Variants in CACNA1I observed in about 807,000 individuals in gnomAD.
CACNA1I encodes calcium voltage-gated channel subunit alpha1 I, also known as voltage-dependent T-type calcium channel subunit alpha-1I.
In CACNA1I, 74 loss-of-function variants were observed where a neutral mutation model predicts 201.6. The observed-to-expected ratio is 0.37, with a 90% CI of 0.30 to 0.45. The LOEUF (loss-of-function observed/expected upper bound fraction) is 0.45. CACNA1I is among the 20% of genes least tolerant of loss of function. The pLI is 1.00. For synonymous variants in CACNA1I, 1,431 were observed against 1,345.2 expected (o/e 1.06, Z -1.40); for missense variants, 2,346 against 3,138.1 (o/e 0.75, Z 6.03).
intron 4 of CACNA1I, among the ~76,000 whole-genome samples, chr22:39,623,443 C>T (rs563673866): frequency 6.0e-5 from 9 of 151,018 alleles, no homozygotes; most frequent in Admixed American, 2.0e-4. Flanking sequence ...AGAGTGCGTG[C>T]CTATGAAAGT....
At chr22:39,607,848 G>A (rs1398708011) in intron 3 of CACNA1I, among the ~76,000 whole-genome samples, 1 of 151,538 alleles carries the variant, frequency 6.6e-6, no homozygotes, top group East Asian at 1.9e-4. Context: ...AATTAGTCCG[G>A]GTGCGGTGGC....
At position 39,664,729 on chromosome 22, in the gene CACNA1I, C is replaced by T. The variant is rs1935131598; in HGVS notation, c.3667-10C>T. 1 of 1,535,342 alleles carries T rather than the reference C, an allele frequency of 6.5e-7. No individual in the cohort carries two copies. Among genetic ancestry groups the T allele is most frequent in the Non-Finnish European group, 8.9e-7 (1 of 1,129,492 alleles). ...GCGGCAGCCTGACCCCGGCCCCACCCCCGCCCCAGGTAGTCTCGCTGGGCC... is the reference window on the plus strand; with the variant it reads ...GCGGCAGCCTGACCCCGGCCCCACCTCCGCCCCAGGTAGTCTCGCTGGGCC... On this transcript the variant is annotated splice_polypyrimidine_tract_variant and intron_variant, in intron 20 of 36. Transcript: ENST00000402142.
At chr22:39,662,713 A>T in intron 17 of CACNA1I, 63 bp from the exon 18 acceptor site, 10 of 1,227,984 alleles carry the variant, frequency 8.1e-6, no homozygotes, top group Non-Finnish European at 1.2e-5. Flanking sequence ...CGATGGCCGC[A>T]TGGGCGGAGA....
chr22:39,575,338 C>A (rs1255574051), intron 1 of CACNA1I, among the ~76,000 whole-genome samples: 7 of 152,200 alleles, frequency 4.6e-5, no homozygotes, highest in South Asian at 4.1e-4. Context: ...GTAATACCCA[C>A]TCCACAGGGT....
At chr22:39,608,886 A>C (rs954090053) in intron 3 of CACNA1I, among the ~76,000 whole-genome samples, 88 of 152,240 alleles carry the variant, frequency 5.8e-4, no homozygotes, top group African/African-American at 2.0e-3. Context: ...GAATGCTGGG[A>C]ACAGCTTCTC....
rs1417926848 is a variant in CACNA1I, at chr22:39,649,145, A to G, written c.1568-356A>G. On this transcript the variant is annotated intron_variant, in intron 9 of 36. Coordinates refer to ENST00000402142, the MANE Select transcript of CACNA1I (RefSeq NM_021096.4). The surrounding 1 kb of genome is among the most constrained non-coding windows in gnomAD (Gnocchi z 7.3). Reference sequence around the variant, plus strand: ...GAATCACATCTAGTTCCCAAGCTGCACGACTGGGGCTCTGGGTCTGTTCCA... The same window carrying G: ...GAATCACATCTAGTTCCCAAGCTGCGCGACTGGGGCTCTGGGTCTGTTCCA... Among the ~76,000 whole-genome samples the G allele has an allele frequency of 6.6e-6, 1 of 152,196 alleles. No homozygotes were observed. The highest frequency in any genetic ancestry group is 2.4e-5 in the African/African-American group (1 of 41,436).
intron 25 of CACNA1I, 49 bp from the exon 26 acceptor site, chr22:39,670,754 T>C (rs773361713): frequency 6.2e-7 from 1 of 1,603,236 alleles, no homozygotes; most frequent in South Asian, 1.1e-5. Context: ...CCCTTTCCCT[T>C]GACCCCAACC....
intron 1 of CACNA1I, among the ~76,000 whole-genome samples, chr22:39,578,946 C>T (rs1248962224): frequency 6.6e-6 from 1 of 152,188 alleles, no homozygotes; most frequent in Non-Finnish European, 1.5e-5. Context: ...TGGTTCTCAA[C>T]CCCACCAGCC....
chr22:39,626,665 C>T lies in CACNA1I; in HGVS notation c.580+7258C>T, dbSNP rs891150945. On this transcript the variant is annotated intron_variant, in intron 4 of 36. Coordinates refer to ENST00000402142, the MANE Select transcript of CACNA1I (RefSeq NM_021096.4). Reference sequence around the variant, plus strand: ...AGGCTGGAGTGCAGTGGCGTGATCTCGGCTCACTGCAACCTCCGCCTCCTG... The same window carrying T: ...AGGCTGGAGTGCAGTGGCGTGATCTTGGCTCACTGCAACCTCCGCCTCCTG... Among the ~76,000 whole-genome samples the T allele has an allele frequency of 5.3e-5, 8 of 152,054 alleles. No individual in the cohort carries two copies. In the South Asian group the frequency reaches 8.3e-4, roughly 16 times the overall value.
In CACNA1I at chr22:39,659,462, A is replaced by C; in HGVS notation, c.2360A>C (p.Lys787Thr). 6.4e-7 allele frequency: 1 copy of C among 1,568,814 alleles called. No homozygotes were observed. Among genetic ancestry groups the C allele is most frequent in the Non-Finnish European group, 8.7e-7 (1 of 1,155,804 alleles). ...SILGMHIFGC[K>T]FSLRTDTGDT... ...CTTGGGATGCATATTTTTGGCTGCA[A>C]GTTCAGCCTCCGCACGGACACTGGA... Residue 787 changes from lysine to threonine, a missense_variant, in exon 13 of 37, where the codon AAG becomes ACG. Lys to Thr is a moderately conservative substitution (Grantham distance 78, BLOSUM62 -1). Transcript: ENST00000402142. The surrounding 1 kb of genome is among the most constrained non-coding windows in gnomAD (Gnocchi z 4.3).
chr22:39,577,698 C>T (rs952067451), intron 1 of CACNA1I, among the ~76,000 whole-genome samples: 10 of 152,214 alleles, frequency 6.6e-5, no homozygotes, highest in African/African-American at 1.7e-4. Flanking sequence ...GGGACGATGG[C>T]GAGAAACGAC....
intron 1 of CACNA1I, among the ~76,000 whole-genome samples, chr22:39,586,342 A>T (rs764256242): frequency 4.6e-5 from 7 of 151,966 alleles, no homozygotes; most frequent in Non-Finnish European, 1.0e-4. Flanking sequence ...AAATACAAAA[A>T]TTAGCTGGAC....
intron 5 of CACNA1I, among the ~76,000 whole-genome samples, chr22:39,636,428 C>T (rs905746453): frequency 3.9e-5 from 6 of 152,232 alleles, no homozygotes; most frequent in African/African-American, 9.6e-5. Flanking sequence ...GTGATTGCCA[C>T]GCCTCCCTCT....
chr22:39,636,129 C>G (rs1934212776), intron 5 of CACNA1I, among the ~76,000 whole-genome samples: 2 of 152,180 alleles, frequency 1.3e-5, no homozygotes, highest in Admixed American at 1.3e-4. Context: ...CATTTACCAC[C>G]CAGAGGCAGG....
At chr22:39,582,749 C>T (rs1435478686) in intron 1 of CACNA1I, among the ~76,000 whole-genome samples, 1 of 140,102 alleles carries the variant, frequency 7.1e-6, no homozygotes, top group Non-Finnish European at 1.6e-5. Flanking sequence ...CATACACCCC[C>T]CCACCCATCT....
At position 39,648,140 on chromosome 22, in the gene CACNA1I, C is replaced by T. The variant is rs531353326; in HGVS notation, c.1567+214C>T. Among the ~76,000 whole-genome samples, 1 of 152,282 alleles carries T rather than the reference C, an allele frequency of 6.6e-6. No individual in the cohort carries two copies. The highest frequency in any genetic ancestry group is 2.1e-4 in the South Asian group (1 of 4,824). ...CCACCCCAGGCCCTGCTCTGGAAAG[C>T]CCTGTCCTTCCAGCTCTCACAGTCT... is the stretch of plus-strand genomic sequence containing the variant. On this transcript the variant is annotated intron_variant, in intron 9 of 36. Transcript: ENST00000402142. The surrounding 1 kb of genome is among the most constrained non-coding windows in gnomAD (Gnocchi z 5.4).
intron 1 of CACNA1I, among the ~76,000 whole-genome samples, chr22:39,579,919 G>T (rs988242368): frequency 6.6e-6 from 1 of 152,210 alleles, no homozygotes; most frequent in African/African-American, 2.4e-5. Flanking sequence ...AAAGTGCTGG[G>T]ATTACAGGTC....
At chr22:39,615,815 G>A (rs1017596831) in intron 3 of CACNA1I, among the ~76,000 whole-genome samples, 7 of 152,192 alleles carry the variant, frequency 4.6e-5, no homozygotes, top group Non-Finnish European at 8.8e-5. Flanking sequence ...AAGTGGAGAA[G>A]TGAGAGTTAG....
At position 39,620,266 on chromosome 22, in the gene CACNA1I, TCC is replaced by T. The variant is rs1491348184; in HGVS notation, c.580+860_580+861del. 2.5e-3 allele frequency among the ~76,000 whole-genome samples: 282 copies of T among 113,526 alleles called. 2 individuals are homozygous for T. The highest frequency in any genetic ancestry group is 6.5e-3 in the African/African-American group (212 of 32,854). The allele number at this position is 113,526 out of a possible 152,430, so 74.5% of individuals were successfully genotyped here. On this transcript the variant is annotated intron_variant, in intron 4 of 36. Transcript: ENST00000402142. The stretch of plus-strand genomic sequence containing the variant: ...ATCCATCCATCCATCCATCCATCCA[TCC>T]ATCCATCCATACGTACATACATACA...
Sources: gnomAD v4.1 joint callset for allele counts (sites outside exome capture counted in the v4.1 genomes callset) on GRCh38, gnomAD v4.1.1 for gene constraint, Gnocchi (gnomAD v3.1) non-coding constraint, MANE v1.5 for transcripts, NCBI Gene and HGNC (gene_info 2026-07-23, HGNC 2026-07-21) for gene names.